The following PLS1 variants were observed in gnomAD, a reference collection of about 807,000 sequenced individuals.
The protein encoded by PLS1 is plastin 1.
In PLS1, 32 loss-of-function variants were observed where a neutral mutation model predicts 73.7. That is an observed-to-expected ratio of 0.43 (90% CI 0.33 to 0.58). The LOEUF (loss-of-function observed/expected upper bound fraction) is 0.58. Among genes scored for constraint, PLS1 ranks in the 20% least tolerant of loss-of-function variants. The pLI, the probability that PLS1 is intolerant of heterozygous loss-of-function variation, is 0.04. For missense variants in PLS1, 633 were observed against 740.5 expected, an observed-to-expected ratio of 0.85 and a Z score of 1.68; for synonymous variants, 217 against 261.3, an observed-to-expected ratio of 0.83 and a Z score of 1.63.
intron 1 of PLS1, among the ~76,000 whole-genome samples, chr3:142,602,100 C>T (rs915836461): frequency 3.9e-5 from 5 of 127,714 alleles, no homozygotes; most frequent in Non-Finnish European, 8.1e-5. Flanking sequence ...AGTGGTAAAT[C>T]GTTCCGGTTT....
intron 1 of PLS1, among the ~76,000 whole-genome samples, chr3:142,659,492 CA>C (rs1368244870): frequency 6.6e-6 from 1 of 151,890 alleles, no homozygotes; most frequent in South Asian, 2.1e-4. Flanking sequence ...GTATTTGTTT[CA>C]TTTTTTTTAA....
chr3:142,633,547 T>A (rs1297412160), intron 1 of PLS1, among the ~76,000 whole-genome samples: 1 of 152,042 alleles, frequency 6.6e-6, no homozygotes, highest in Non-Finnish European at 1.5e-5. Flanking sequence ...TCCCAGCTAC[T>A]CGGGGGGCTG....
chr3:142,597,375 C>G (rs1295192356), intron 1 of PLS1: 2 of 152,088 alleles, frequency 1.3e-5, no homozygotes, highest in Non-Finnish European at 2.9e-5. Context: ...CCCCCACCAC[C>G]TTTGTAATCA....
chr3:142,703,861 T>C lies in PLS1; in HGVS notation c.1372-7T>C. 1 of 1,598,310 alleles carries C rather than the reference T, an allele frequency of 6.3e-7. No individual in the cohort carries two copies. The highest frequency in any genetic ancestry group is 1.1e-5 in the South Asian group (1 of 90,538). On this transcript the variant is annotated splice_region_variant and splice_polypyrimidine_tract_variant and intron_variant, in intron 12 of 15. Coordinates refer to ENST00000457734, the MANE Select transcript of PLS1 (RefSeq NM_001145319.2). ...CTTTTTATACCCAAACTTTTACTTA[T>C]TTATAGATTGAAAACTGTAACTATG... is the stretch of plus-strand genomic sequence containing the variant.
chr3:142,618,621 T>G (rs2036255858), intron 1 of PLS1, among the ~76,000 whole-genome samples: 1 of 152,170 alleles, frequency 6.6e-6, no homozygotes, highest in African/African-American at 2.4e-5. Context: ...TGGATGTAAA[T>G]GGAAGGCCAT....
chr3:142,711,768 C>G, intron 15 of PLS1, 104 bp from the exon 16 acceptor site: 1 of 1,412,000 alleles, frequency 7.1e-7, no homozygotes. Flanking sequence ...CAAACTTAAC[C>G]TTTTCGTAAA....
chr3:142,700,306 T>G (rs920265746), intron 12 of PLS1, among the ~76,000 whole-genome samples: 5 of 150,668 alleles, frequency 3.3e-5, no homozygotes, highest in Admixed American at 6.6e-5. Context: ...TCTTCATTAT[T>G]ATTATTATTA....
intron 4 of PLS1, among the ~76,000 whole-genome samples, chr3:142,675,124 T>C (rs930222494): frequency 2.0e-5 from 3 of 152,214 alleles, no homozygotes; most frequent in African/African-American, 7.2e-5. Flanking sequence ...ATTTCTGTTG[T>C]AAGCTAAAAA....
intron 4 of PLS1, 67 bp from the exon 5 acceptor site, chr3:142,676,090 T>C (rs1192207295): frequency 4.1e-6 from 5 of 1,233,672 alleles, no homozygotes; most frequent in Admixed American, 2.0e-5. Flanking sequence ...GCAATAGCTA[T>C]GTATGTTTTT....
At chr3:142,634,726 A>G (rs1007114590) in intron 1 of PLS1, among the ~76,000 whole-genome samples, 1 of 152,208 alleles carries the variant, frequency 6.6e-6, no homozygotes, top group African/African-American at 2.4e-5. Context: ...TTGCCTGACA[A>G]ATGTTAAACG....
intron 1 of PLS1, among the ~76,000 whole-genome samples, chr3:142,662,215 C>T (rs909841803): frequency 6.6e-6 from 1 of 152,102 alleles, no homozygotes; most frequent in Non-Finnish European, 1.5e-5. Flanking sequence ...ATATATACAC[C>T]ATGGAATACT....
chr3:142,622,007 T>C (rs919003369), intron 1 of PLS1, among the ~76,000 whole-genome samples: 10 of 152,168 alleles, frequency 6.6e-5, no homozygotes, highest in Admixed American at 1.3e-4. Flanking sequence ...GCCTCCAAAA[T>C]TGACTCTGAG....
At chr3:142,618,967 T>A (rs1312475949) in intron 1 of PLS1, among the ~76,000 whole-genome samples, 1 of 152,174 alleles carries the variant, frequency 6.6e-6, no homozygotes, top group Non-Finnish European at 1.5e-5. Context: ...GACAGGGTAT[T>A]ATCCTGCCTG....
chr3:142,616,517 A>G (rs2036219096), intron 1 of PLS1, among the ~76,000 whole-genome samples: 1 of 152,172 alleles, frequency 6.6e-6, no homozygotes. Flanking sequence ...TTTGACTGTG[A>G]TCATGTCAGC....
At chr3:142,606,599 C>T (rs1490540742) in intron 1 of PLS1, among the ~76,000 whole-genome samples, 1 of 152,158 alleles carries the variant, frequency 6.6e-6, no homozygotes, top group South Asian at 2.1e-4. Flanking sequence ...TTTTCTACTA[C>T]CTCCTCCCCA....
At chr3:142,637,887 A>T (rs1326589554) in intron 1 of PLS1, among the ~76,000 whole-genome samples, 2 of 150,890 alleles carry the variant, frequency 1.3e-5, no homozygotes, top group Non-Finnish European at 2.9e-5. Context: ...TATATATGAG[A>T]TTTAGAGCTG....
chr3:142,664,147 T>A (rs927701291), intron 1 of PLS1, 55 bp from the exon 2 acceptor site: 2 of 699,500 alleles, frequency 2.9e-6, no homozygotes, highest in African/African-American at 1.8e-5. Flanking sequence ...CTTATATTGC[T>A]TAGTTAAATG....
chr3:142,695,757 C>CTTATTTAT (rs1305943795), intron 11 of PLS1, among the ~76,000 whole-genome samples: 2 of 135,026 alleles, frequency 1.5e-5, no homozygotes, highest in African/African-American at 6.1e-5. Flanking sequence ...AGTAAGGAGA[C>CTTATTTAT]TTACTTATTT....
intron 14 of PLS1, among the ~76,000 whole-genome samples, chr3:142,708,851 T>A: frequency 6.6e-6 from 1 of 152,238 alleles, no homozygotes; most frequent in East Asian, 1.9e-4. Flanking sequence ...CAGGGCTATT[T>A]TCTTGGAAAC....
Sources: gnomAD v4.1 joint callset for allele counts (sites outside exome capture counted in the v4.1 genomes callset) on GRCh38, gnomAD v4.1.1 for gene constraint, MANE v1.5 for transcripts, NCBI Gene and HGNC (gene_info 2026-07-23, HGNC 2026-07-21) for gene names.